ANO4: variants seen among roughly 807,000 people sequenced by gnomAD.
The protein encoded by ANO4 is anoctamin 4.
A neutral mutation model predicts 141.9 loss-of-function variants in ANO4; 69 were observed. The ratio of observed to expected loss-of-function variants is 0.49; its 90% CI spans 0.40 to 0.59. ANO4 has a LOEUF of 0.59. ANO4 is among the 20% of genes least tolerant of loss of function. ANO4 has a pLI of 0.00. For synonymous variants in ANO4, 350 were observed against 394.3 expected, an observed-to-expected ratio of 0.89 and a Z score of 1.33; for missense variants, 894 against 1,162.2, an observed-to-expected ratio of 0.77 and a Z score of 3.36.
chr12:100,825,087 A>T (rs2036259470), intron 1 of ANO4, among the ~76,000 whole-genome samples: 3 of 152,094 alleles, frequency 2.0e-5, no homozygotes. Context: ...GGTATCATCA[A>T]AATAACTTCA....
rs1476245161 is a variant in ANO4 at position 100,974,900 on chromosome 12, C to G, written c.602+11C>G. 1 of 1,613,658 alleles carries G rather than the reference C, an allele frequency of 6.2e-7. No homozygotes were observed. Among genetic ancestry groups the G allele is most frequent in the Non-Finnish European group, 8.5e-7 (1 of 1,179,744 alleles). ...CAAGTTCATGAGCAGGTTAGTAGCACGCTCTGTCCTGACAGTGTTTGTCTT... is the reference window on the plus strand; with the variant it reads ...CAAGTTCATGAGCAGGTTAGTAGCAGGCTCTGTCCTGACAGTGTTTGTCTT... On this transcript the variant is annotated intron_variant, in intron 7 of 27. Transcript: ENST00000392977.
intron 13 of ANO4, among the ~76,000 whole-genome samples, chr12:101,045,910 G>A (rs2047609149): frequency 6.6e-6 from 1 of 152,180 alleles, no homozygotes; most frequent in Non-Finnish European, 1.5e-5. Context: ...TAAACTCCTG[G>A]TCTGCTGCCA....
intron 24 of ANO4, 66 bp downstream of exon 24, chr12:101,111,776 A>G (rs2050675271): frequency 2.8e-6 from 4 of 1,442,284 alleles, no homozygotes; most frequent in Non-Finnish European, 3.7e-6. Flanking sequence ...TTGGACACTC[A>G]GACAGAAGAC....
At chr12:101,086,486 A>G (rs1054493647) in intron 16 of ANO4, among the ~76,000 whole-genome samples, 174 bp from the exon 17 acceptor site, 1 of 152,156 alleles carries the variant, frequency 6.6e-6, no homozygotes, top group Non-Finnish European at 1.5e-5. Flanking sequence ...AAAAATAGAA[A>G]AAGGCAAGAG....
chr12:100,860,900 T>C (rs1209333576), intron 1 of ANO4, among the ~76,000 whole-genome samples: 1 of 152,226 alleles, frequency 6.6e-6, no homozygotes, highest in Non-Finnish European at 1.5e-5. Context: ...GTGTTCTCGC[T>C]GACTTCAAGA....
At chr12:101,028,478 C>T (rs1470831743) in intron 9 of ANO4, among the ~76,000 whole-genome samples, 3 of 152,078 alleles carry the variant, frequency 2.0e-5, no homozygotes, top group Non-Finnish European at 2.9e-5. Flanking sequence ...TAGAGGGGAA[C>T]ATAAATGACC....
At chr12:100,951,716 G>A (rs759427061) in intron 5 of ANO4, among the ~76,000 whole-genome samples, 38 of 152,180 alleles carry the variant, frequency 2.5e-4, no homozygotes, top group Non-Finnish European at 4.3e-4. Context: ...ACTTATTACA[G>A]TGCTTAGCTT....
At chr12:100,968,165 C>T (rs2043761057) in intron 5 of ANO4, among the ~76,000 whole-genome samples, 2 of 152,250 alleles carry the variant, frequency 1.3e-5, no homozygotes, top group South Asian at 2.1e-4. Flanking sequence ...ATCAAAACAG[C>T]TATCCTTTTA....
At chr12:100,757,191 A>G (rs1460674376) in intron 3 of ANO4, among the ~76,000 whole-genome samples, 1 of 152,130 alleles carries the variant, frequency 6.6e-6, no homozygotes, top group East Asian at 1.9e-4. Flanking sequence ...CCTCACATCC[A>G]GGTGGTAAGC....
At chr12:100,806,508 GTTTTTTTTTTGTTTCGTTTTT>G in intron 1 of ANO4, among the ~76,000 whole-genome samples, 1 of 79,418 alleles carries the variant, frequency 1.3e-5, no homozygotes, top group South Asian at 4.5e-4. Flanking sequence ...TTTTTAGGAG[GTTTTTTTTTTGTTTCGTTTTT>G]TTTTTTTTTT....
At chr12:100,832,317 C>T (rs2036675436) in intron 1 of ANO4, among the ~76,000 whole-genome samples, 1 of 152,098 alleles carries the variant, frequency 6.6e-6, no homozygotes, top group African/African-American at 2.4e-5. Context: ...GGAATCCTTT[C>T]TGTAAAACCC....
chr12:101,112,087 T>A (rs951451862), intron 24 of ANO4, among the ~76,000 whole-genome samples: 9 of 152,222 alleles, frequency 5.9e-5, no homozygotes, highest in Admixed American at 6.5e-5. Flanking sequence ...TATCATTTTA[T>A]GAGTTTGCAA....
intron 1 of ANO4, among the ~76,000 whole-genome samples, chr12:100,721,849 T>C (rs897078495): frequency 6.7e-6 from 1 of 149,104 alleles, no homozygotes; most frequent in African/African-American, 2.5e-5. Context: ...AGGCTAACTT[T>C]TAATTTTTTT....
At chr12:100,793,458 A>G (rs1011128253), upstream of ANO4, among the ~76,000 whole-genome samples, 1 of 152,188 alleles carries the variant, frequency 6.6e-6, no homozygotes, top group Non-Finnish European at 1.5e-5. Context: ...CAGGCTCCCC[A>G]AAGTCAGCTT....
In ANO4 at chr12:100,796,962, C is replaced by T. The variant is rs112068116; in HGVS notation, c.-141+1935C>T. Among the ~76,000 whole-genome samples the T allele has an allele frequency of 3.6e-3, 555 of 152,232 alleles. 1 individual carries two copies. Among genetic ancestry groups the T allele is most frequent in the Non-Finnish European group, 5.4e-3 (366 of 68,018 alleles). Reference sequence around the variant, plus strand: ...TCATGGAAATAGACTCAGTATTTCTCACTGCAGGCAATTTCAGAATCATTT... The same window carrying T: ...TCATGGAAATAGACTCAGTATTTCTTACTGCAGGCAATTTCAGAATCATTT... On this transcript the variant is annotated intron_variant, in intron 1 of 27. Transcript: ENST00000392977.
At chr12:101,034,709 A>G (rs1038658723) in intron 9 of ANO4, among the ~76,000 whole-genome samples, 5 of 152,216 alleles carry the variant, frequency 3.3e-5, no homozygotes, top group African/African-American at 1.2e-4. Context: ...TAGAATACAT[A>G]AAGAACACTC....
At chr12:100,740,203 G>C (rs1370945672) in intron 3 of ANO4, 7 of 662,156 alleles carry the variant, frequency 1.1e-5, no homozygotes, top group Non-Finnish European at 1.9e-5. Context: ...ATTTCTGCTT[G>C]TGTGATATGA....
chr12:100,862,164 C>T (rs1252015617), intron 1 of ANO4, among the ~76,000 whole-genome samples: 7 of 152,234 alleles, frequency 4.6e-5, no homozygotes, highest in Admixed American at 6.5e-5. Context: ...TGGGCTCAAG[C>T]GATCCTCTCA....
At chr12:100,859,293 G>A (rs2038350109) in intron 1 of ANO4, 1 of 152,114 alleles carries the variant, frequency 6.6e-6, no homozygotes, top group Admixed American at 6.6e-5. Context: ...AAAGCCAGTG[G>A]CTTTAAGAGC....
Sources: allele counts gnomAD v4.1 joint callset (sites outside exome capture counted in the v4.1 genomes callset), GRCh38; gene constraint gnomAD v4.1.1; transcripts MANE v1.5; gene names NCBI Gene and HGNC (gene_info 2026-07-23, HGNC 2026-07-21).